Variants in HMGB1 observed in about 807,000 individuals in gnomAD.
HMGB1 encodes high mobility group box 1.
For missense variants in HMGB1, 79 were observed against 253.5 expected, an observed-to-expected ratio of 0.31 and a Z score of 4.67; for synonymous variants, 81 against 84.0, an observed-to-expected ratio of 0.96 and a Z score of 0.19.
chr13:30,484,639 G>A (rs1407535525), intron 1 of HMGB1, among the ~76,000 whole-genome samples: 1 of 152,190 alleles, frequency 6.6e-6, no homozygotes, highest in East Asian at 1.9e-4. Context: ...GGAGGCCAAG[G>A]CAGGAGGACT....
At chr13:30,603,811 G>A (rs1443550448) in intron 1 of HMGB1, among the ~76,000 whole-genome samples, 1 of 152,104 alleles carries the variant, frequency 6.6e-6, no homozygotes, top group Non-Finnish European at 1.5e-5. Flanking sequence ...TACCTCATAC[G>A]ATGAAAATAC....
At chr13:30,500,971 C>T (rs1247226239) in intron 1 of HMGB1, among the ~76,000 whole-genome samples, 1 of 124,912 alleles carries the variant, frequency 8.0e-6, no homozygotes, top group Non-Finnish European at 1.8e-5. Flanking sequence ...CTGCACTCAG[C>T]CCACACCTGG....
At position 30,485,701 on chromosome 13, in the gene HMGB1, G is replaced by A. The variant is rs150107326; in HGVS notation, c.-14-22007C>T. On this transcript the variant is annotated intron_variant, in intron 1 of 4. Transcript: ENST00000405805. ...GATAAGTCATGAAAAGCACAGGTAG[G>A]GTGAACCTACAAGACTAGAAATAGT... Among the ~76,000 whole-genome samples the A allele has an allele frequency of 2.2e-3, 339 of 152,268 alleles. 2 individuals are homozygous for A. Among genetic ancestry groups the A allele is most frequent in the Non-Finnish European group, 3.6e-3 (242 of 68,022 alleles).
At chr13:30,464,611 C>T in intron 1 of HMGB1, 1 of 983,774 alleles carries the variant, frequency 1.0e-6, no homozygotes, top group Non-Finnish European at 1.2e-6. Flanking sequence ...TTGTCAGGCT[C>T]GGCGCAGGGA....
At chr13:30,552,171 C>T (rs1869457143) in intron 1 of HMGB1, among the ~76,000 whole-genome samples, 1 of 152,170 alleles carries the variant, frequency 6.6e-6, no homozygotes, top group Admixed American at 6.6e-5. Flanking sequence ...TAAACACACA[C>T]ATATCCTTTA....
At chr13:30,594,302 C>T (rs1414469555) in intron 1 of HMGB1, among the ~76,000 whole-genome samples, 1 of 152,204 alleles carries the variant, frequency 6.6e-6, no homozygotes, top group Non-Finnish European at 1.5e-5. Flanking sequence ...GTTTGGACCT[C>T]TAATGTTCCT....
chr13:30,523,732 T>C (rs1888289889), intron 1 of HMGB1, among the ~76,000 whole-genome samples: 1 of 114,368 alleles, frequency 8.7e-6, no homozygotes, highest in Non-Finnish European at 1.8e-5. Context: ...CATTTGTTTT[T>C]GTTGGGCCCT....
chr13:30,508,962 T>C (rs766827441), intron 1 of HMGB1, among the ~76,000 whole-genome samples: 10 of 152,194 alleles, frequency 6.6e-5, no homozygotes, highest in Non-Finnish European at 1.3e-4. Flanking sequence ...TGAGACAGGG[T>C]CTTGCTATGT....
chr13:30,611,439 G>A (rs1375823012), intron 1 of HMGB1, among the ~76,000 whole-genome samples: 1 of 152,170 alleles, frequency 6.6e-6, no homozygotes, highest in Non-Finnish European at 1.5e-5. Flanking sequence ...TGGGATTACA[G>A]CTATTTTAAG....
At chr13:30,553,637 C>T (rs1458149505) in intron 1 of HMGB1, 1 of 659,276 alleles carries the variant, frequency 1.5e-6, no homozygotes, top group Non-Finnish European at 2.7e-6. Flanking sequence ...CCTCACTCTT[C>T]CATTTCTCTT....
intron 1 of HMGB1, among the ~76,000 whole-genome samples, chr13:30,475,518 C>T (rs1040470071): frequency 2.0e-5 from 3 of 146,536 alleles, no homozygotes; most frequent in African/African-American, 7.6e-5. Context: ...CGGTTTGAGA[C>T]CATCTCTAAA....
intron 1 of HMGB1, among the ~76,000 whole-genome samples, chr13:30,521,916 G>A (rs1027055389): frequency 6.6e-6 from 1 of 152,122 alleles, no homozygotes; most frequent in Admixed American, 6.6e-5. Context: ...CCATCTTAGT[G>A]GGTGTGAACT....
At chr13:30,568,016 C>T (rs73456517) in intron 1 of HMGB1, among the ~76,000 whole-genome samples, 1 of 152,140 alleles carries the variant, frequency 6.6e-6, no homozygotes, top group Non-Finnish European at 1.5e-5. Flanking sequence ...GGTCCCATGA[C>T]AACATACGGG....
At position 30,457,089 on chromosome 13, in the gene HMGB1, A is replaced by C. The variant is rs915787152; in HGVS notation, c.*4268T>G. The stretch of plus-strand genomic sequence containing the variant: ...TAAAGAGAACAATGAATATGAGTAC[A>C]TAATTTACAAGGATCTCTCTAATCC... On this transcript the variant is annotated 3_prime_UTR_variant, in exon 5 of 5. Transcript: ENST00000341423. The C allele has an allele frequency of 6.6e-6, 1 of 152,244 alleles. No individual in the cohort carries two copies. Among genetic ancestry groups the C allele is most frequent in the Non-Finnish European group, 1.5e-5 (1 of 68,046 alleles). The allele number at this position is 152,244 out of a possible 1,614,324, so 9.4% of individuals were successfully genotyped here.
At chr13:30,492,994 C>CAAA (rs1022752871) in intron 1 of HMGB1, among the ~76,000 whole-genome samples, 19 of 40,340 alleles carry the variant, frequency 4.7e-4, no homozygotes, top group Admixed American at 8.0e-4. Flanking sequence ...GACTACATCT[C>CAAA]AAAAAAAAAA....
intron 1 of HMGB1, among the ~76,000 whole-genome samples, chr13:30,506,169 A>G (rs561589834): frequency 6.6e-6 from 1 of 152,176 alleles, no homozygotes; most frequent in Non-Finnish European, 1.5e-5. Flanking sequence ...GCCCCTTCCC[A>G]GGTGGCAGCA....
intron 1 of HMGB1, among the ~76,000 whole-genome samples, chr13:30,591,051 G>C (rs1338885715): frequency 3.4e-5 from 1 of 29,562 alleles, no homozygotes; most frequent in Non-Finnish European, 6.8e-5. Flanking sequence ...TTTTTTTTTT[G>C]AGACAAAGCC....
chr13:30,509,956 C>A (rs941711718), intron 1 of HMGB1, among the ~76,000 whole-genome samples: 1 of 152,322 alleles, frequency 6.6e-6, no homozygotes, highest in African/African-American at 2.4e-5. Flanking sequence ...TATTTCATAT[C>A]CCAGACCTCT....
Position 30,463,582 on chromosome 13 carries a change from A to G in HMGB1, c.99T>C (p.Asp33=), listed in dbSNP as rs1342837914. ...AAAACTCTGAGAAGTTGACTGAAGC[A>G]TCTGGGTGCTTCTTCTTATGCTCCT... ...CREEHKKKHP[D]ASVNFSEFSK... The change falls in exon 2 of 5, where the codon GAT becomes GAC. Residue 33 remains aspartate (D), a synonymous_variant. Transcript: ENST00000341423. The G allele has an allele frequency of 6.2e-7, 1 of 1,610,900 alleles. No homozygotes were observed. The highest frequency in any genetic ancestry group is 8.5e-7 in the Non-Finnish European group (1 of 1,179,152).
Sources: gnomAD v4.1 joint callset for allele counts (sites outside exome capture counted in the v4.1 genomes callset) on GRCh38, gnomAD v4.1.1 for gene constraint, MANE v1.5 for transcripts, NCBI Gene and HGNC (gene_info 2026-07-23, HGNC 2026-07-21) for gene names.